TSNAXIP1: variants seen among roughly 807,000 people sequenced by gnomAD.
TSNAXIP1 encodes translin associated factor X interacting protein 1.
In TSNAXIP1, 89 loss-of-function variants were observed where a neutral mutation model predicts 84.8. The observed-to-expected ratio is 1.05, with a 90% CI of 0.88 to 1.25. TSNAXIP1 has a LOEUF of 1.25. Ranked by LOEUF, TSNAXIP1 falls within the 50% of genes most tolerant of loss-of-function variation. TSNAXIP1 has a pLI of 0.00. For missense variants in TSNAXIP1, 874 were observed against 887.6 expected (o/e 0.98, Z 0.20); for synonymous variants, 347 against 335.2 (o/e 1.04, Z -0.39).
At chr16:67,822,291 A>G (rs1324096482) in intron 4 of TSNAXIP1, among the ~76,000 whole-genome samples, 1 of 151,704 alleles carries the variant, frequency 6.6e-6, no homozygotes, top group Non-Finnish European at 1.5e-5. Flanking sequence ...AAAAAAAAAA[A>G]AAAAAAGAAA....
rs1242818017 is a variant in TSNAXIP1, at chr16:67,817,487, A to G, written c.147+3086A>G. Among the ~76,000 whole-genome samples, 4 of 134,556 alleles carry G rather than the reference A, an allele frequency of 3.0e-5. No homozygotes were observed. In the East Asian group the frequency reaches 7.3e-4, roughly 25 times the overall value. 88.3% of individuals were successfully genotyped at this position (134,556 alleles called of 152,430 possible). ...GTAGAGACGAGGGTTTCACCGTGTT[A>G]GCCAGGATGGTCTCCGTCTCCTGAC... On this transcript the variant is annotated intron_variant, in intron 2 of 15. Transcript: ENST00000561639.
intron 6 of TSNAXIP1, 27 bp downstream of exon 6, chr16:67,824,806 C>T: frequency 2.5e-6 from 4 of 1,603,032 alleles, no homozygotes; most frequent in Non-Finnish European, 3.4e-6. Context: ...TGATGATGAC[C>T]AAGTCCCCGA....
chr16:67,816,530 G>T (rs978997167), intron 2 of TSNAXIP1, among the ~76,000 whole-genome samples: 3 of 152,134 alleles, frequency 2.0e-5, no homozygotes, highest in African/African-American at 7.2e-5. Flanking sequence ...AGTGACTCCA[G>T]GGAGGAGAAA....
At position 67,826,708 on chromosome 16, in the gene TSNAXIP1, A is replaced by T. The variant is rs745781596; in HGVS notation, c.1418A>T (p.Asp473Val). 1.4e-5 allele frequency: 23 copies of T among 1,613,570 alleles called. No individual in the cohort carries two copies. Among genetic ancestry groups the T allele is most frequent in the Middle Eastern group, 1.6e-4 (1 of 6,080 alleles). Reference protein sequence around the residue: ...LAEEQKETFPDFFFNFLEHRF... With the variant: ...LAEEQKETFPVFFFNFLEHRF... ...ATCCCGCAGAAAGAGACGTTCCCAGATTTCTTCTTCAATTTCCTGGAGCAT... is the reference window on the plus strand; with the variant it reads ...ATCCCGCAGAAAGAGACGTTCCCAGTTTTCTTCTTCAATTTCCTGGAGCAT... Residue 473 changes from aspartate (D) to valine (V), a missense_variant, in exon 12 of 16, where the codon GAT (aspartate) becomes GTT (valine). Physicochemically the swap from Asp to Val is radical, Grantham distance 152. Coordinates refer to ENST00000561639, the MANE Select transcript of TSNAXIP1 (RefSeq NM_001288990.3).
intron 4 of TSNAXIP1, among the ~76,000 whole-genome samples, chr16:67,821,462 C>T (rs568382410): frequency 6.6e-6 from 1 of 152,256 alleles, no homozygotes; most frequent in African/African-American, 2.4e-5. Flanking sequence ...CCCAGCTACT[C>T]AGGAGGCTGA....
At chr16:67,807,445 A>C in intron 1 of TSNAXIP1, 2 of 1,375,798 alleles carry the variant, frequency 1.5e-6, no homozygotes, top group Non-Finnish European at 1.9e-6. Flanking sequence ...CTATATGCCA[A>C]ATGCTTTATA....
At chr16:67,823,137 A>T (rs1371633460) in intron 4 of TSNAXIP1, among the ~76,000 whole-genome samples, 1 of 152,214 alleles carries the variant, frequency 6.6e-6, no homozygotes, top group East Asian at 1.9e-4. Flanking sequence ...AGGCCTCCAG[A>T]GAGCTGCCCC....
intron 1 of TSNAXIP1, among the ~76,000 whole-genome samples, chr16:67,810,271 T>C (rs2055931731): frequency 1.3e-5 from 2 of 152,108 alleles, no homozygotes; most frequent in African/African-American, 2.4e-5. Flanking sequence ...GCAGCTTGCG[T>C]TCACTGAATA....
At chr16:67,824,509 C>A in intron 5 of TSNAXIP1, 74 bp from the exon 6 acceptor site, 1 of 1,458,118 alleles carries the variant, frequency 6.9e-7, no homozygotes, top group Non-Finnish European at 9.4e-7. Context: ...GCCACTCACC[C>A]ATGACCTTAG....
At chr16:67,814,493 AAC>A in intron 2 of TSNAXIP1, 92 bp downstream of exon 2, 4 of 1,035,900 alleles carry the variant, frequency 3.9e-6, no homozygotes, top group Non-Finnish European at 5.7e-6. Context: ...ACCCACCTGA[AAC>A]ATGCCCACCT....
rs1177348199 is a variant in TSNAXIP1 at position 67,820,912 on chromosome 16, A to T, written c.221A>T (p.Asn74Ile). Residue 74 changes from asparagine (N) to isoleucine (I), a missense_variant, in exon 3 of 16, where the codon AAT becomes ATT. Physicochemically the swap from Asn to Ile is moderately radical, Grantham distance 149 (BLOSUM62 -3). Coordinates refer to ENST00000561639, the MANE Select transcript of TSNAXIP1 (RefSeq NM_001288990.3). ...TYTSGQTILQ[N>I]RKPCSDDYRK... ...ACCAGTGGCCAGACCATTTTGCAAA[A>T]TCGAAAACCCTGTTCAGATGACTAC... 2 of 1,604,986 alleles carry T rather than the reference A, an allele frequency of 1.2e-6. No individual in the cohort carries two copies. Among genetic ancestry groups the T allele is most frequent in the Non-Finnish European group, 1.7e-6 (2 of 1,175,616 alleles).
At position 67,820,964 on chromosome 16, in the gene TSNAXIP1, C is replaced by T. The variant is rs1278358266; in HGVS notation, c.260+13C>T. 6.3e-7 allele frequency: 1 copy of T among 1,592,152 alleles called. No homozygotes were observed. Among genetic ancestry groups the T allele is most frequent in the Non-Finnish European group, 8.6e-7 (1 of 1,169,224 alleles). Reference sequence around the variant, plus strand: ...GGAAGCGAGTAGGGTAAGCCAGGGTCAGTCCCATGGTGGGTGAGCTGGCAT... The same window carrying T: ...GGAAGCGAGTAGGGTAAGCCAGGGTTAGTCCCATGGTGGGTGAGCTGGCAT... On this transcript the variant is annotated intron_variant, in intron 3 of 15. Transcript: ENST00000561639.
intron 2 of TSNAXIP1, 66 bp downstream of exon 2, chr16:67,814,467 G>A (rs1310315162): frequency 9.7e-6 from 13 of 1,343,940 alleles, no homozygotes; most frequent in African/African-American, 1.4e-5. Context: ...CTCCCTTCCT[G>A]CAACCCAAGA....
Position 67,824,607 on chromosome 16 carries a change from C to T in TSNAXIP1, c.506C>T (p.Ala169Val). 13 of 1,614,048 alleles carry T rather than the reference C, an allele frequency of 8.1e-6. No homozygotes were observed. The highest frequency in any genetic ancestry group is 1.1e-5 in the Non-Finnish European group (13 of 1,179,992). Residue 169 changes from alanine (A) to valine (V), a missense_variant, in exon 6 of 16, where the codon GCT becomes GTT. By Grantham distance (64) the Ala-to-Val change is moderately conservative. Coordinates refer to ENST00000561639, the MANE Select transcript of TSNAXIP1 (RefSeq NM_001288990.3). ...MLAHQREKIR[A>V]LEPLKAKLVT... ...GCCCACCAAAGGGAGAAGATTCGGGCTCTGGAGCCCCTGAAGGCCAAGCTT... is the reference window on the plus strand; with the variant it reads ...GCCCACCAAAGGGAGAAGATTCGGGTTCTGGAGCCCCTGAAGGCCAAGCTT...
intron 2 of TSNAXIP1, among the ~76,000 whole-genome samples, chr16:67,819,686 T>TA (rs2056876111): frequency 6.6e-6 from 1 of 150,392 alleles, no homozygotes; most frequent in African/African-American, 2.5e-5. Context: ...TTGTTCTTGT[T>TA]GTCCAGGCTG....
Position 67,825,148 on chromosome 16 carries a change from G to A in TSNAXIP1, c.690G>A (p.Leu230=). The change falls in exon 7 of 16, where the codon CTG becomes CTA. Residue 230 remains leucine (L), a synonymous_variant. Coordinates refer to ENST00000561639, the MANE Select transcript of TSNAXIP1 (RefSeq NM_001288990.3). ...CACCTTCTTGCCAGGTGACCAAACT[G>A]AGGAAGAACTTGGCTGAGGAGTACC... ...KISLQSEVTK[L]RKNLAEEYLH... 1 of 1,614,004 alleles carries A rather than the reference G, an allele frequency of 6.2e-7. No individual in the cohort carries two copies. The highest frequency in any genetic ancestry group is 1.3e-5 in the African/African-American group (1 of 75,062).
chr16:67,824,722 G>T lies in TSNAXIP1; in HGVS notation c.621G>T (p.Met207Ile). 6.2e-7 allele frequency: 1 copy of T among 1,614,182 alleles called. No individual in the cohort carries two copies. The highest frequency in any genetic ancestry group is 2.2e-5 in the East Asian group (1 of 44,884). ...YEISLLKKEK[M>I]NLLKLIDKKN... ...TCTCCCTGCTCAAGAAAGAGAAGAT[G>T]AACTTGCTAAAACTCATCGACAAAA... is the stretch of plus-strand genomic sequence containing the variant. Residue 207 changes from methionine (M) to isoleucine (I), a missense_variant, in exon 6 of 16, where the codon ATG becomes ATT. Physicochemically the swap from Met to Ile is conservative, Grantham distance 10. Transcript: ENST00000561639.
At chr16:67,807,519 C>A in intron 1 of TSNAXIP1, 1 of 771,148 alleles carries the variant, frequency 1.3e-6, no homozygotes, top group Non-Finnish European at 1.8e-6. Flanking sequence ...GGCTGGAGTG[C>A]AGTGGCACTA....
In TSNAXIP1 at chr16:67,821,059, G is replaced by A. The variant is rs772680587; in HGVS notation, c.261-40G>A. Reference sequence around the variant, plus strand: ...CCCAGACTGAGGGCACAAGGGCCCCGTGGGGGTGCTGGCCACATATCAGCC... The same window carrying A: ...CCCAGACTGAGGGCACAAGGGCCCCATGGGGGTGCTGGCCACATATCAGCC... On this transcript the variant is annotated intron_variant, in intron 3 of 15. Transcript: ENST00000561639. 9.3e-6 allele frequency: 15 copies of A among 1,611,870 alleles called. No individual in the cohort carries two copies. The South Asian group carries it at 9.9e-5, about 11-fold the overall frequency.
Sources: allele counts gnomAD v4.1 joint callset (sites outside exome capture counted in the v4.1 genomes callset), GRCh38; gene constraint gnomAD v4.1.1; transcripts MANE v1.5; gene names NCBI Gene and HGNC (gene_info 2026-07-23, HGNC 2026-07-21).